The following TSPAN12 variants were observed in gnomAD, a reference collection of about 807,000 sequenced individuals.
TSPAN12 encodes tetraspanin-12.
Under a neutral mutation model 39.2 loss-of-function variants are expected in TSPAN12, and 19 were observed. The observed-to-expected ratio is 0.49, with a 90% CI of 0.34 to 0.71. The LOEUF (loss-of-function observed/expected upper bound fraction) is 0.71. Among genes scored for constraint, TSPAN12 ranks in the 30% least tolerant of loss-of-function variants. The probability of loss-of-function intolerance (pLI) is 0.01; values close to 1 mark genes in which losing one functional copy is unlikely to be tolerated. For synonymous variants in TSPAN12, 119 were observed against 124.8 expected (o/e 0.95, Z 0.31); for missense variants, 314 against 359.9 (o/e 0.87, Z 1.03).
At chr7:120,800,192 G>A (rs1377603309) in intron 7 of TSPAN12, among the ~76,000 whole-genome samples, 2 of 151,994 alleles carry the variant, frequency 1.3e-5, no homozygotes, top group East Asian at 3.9e-4. Flanking sequence ...CTCAGAGTGT[G>A]AATTCATGAA....
intron 4 of TSPAN12, among the ~76,000 whole-genome samples, chr7:120,837,351 G>C (rs1212982978): frequency 6.9e-6 from 1 of 145,690 alleles, no homozygotes; most frequent in African/African-American, 2.6e-5. Context: ...TTGCTCTGTC[G>C]CCCAGGCTGG....
At chr7:120,802,221 G>T (rs1167205851) in intron 7 of TSPAN12, among the ~76,000 whole-genome samples, 1 of 152,194 alleles carries the variant, frequency 6.6e-6, no homozygotes, top group Non-Finnish European at 1.5e-5. Flanking sequence ...TTTAGAGTGT[G>T]GTTACACAGG....
chr7:120,798,257 CT>C (rs1443747139), intron 7 of TSPAN12, among the ~76,000 whole-genome samples: 1 of 152,134 alleles, frequency 6.6e-6, no homozygotes, highest in Non-Finnish European at 1.5e-5. Flanking sequence ...ATCTTCCCCC[CT>C]ACCAAGCCCA....
intron 7 of TSPAN12, among the ~76,000 whole-genome samples, chr7:120,800,744 G>GTTTTTTTTTTTTTTTTTTTTTTTTTTT (rs148802163): frequency 8.4e-6 from 1 of 118,738 alleles, no homozygotes; most frequent in Non-Finnish European, 1.7e-5. Context: ...TTTCCTTATC[G>GTTTTTTTTTTTTTTTTTTTTTTTTTTT]TTTTTTTTTG....
At chr7:120,795,844 G>A (rs1292724396) in intron 7 of TSPAN12, among the ~76,000 whole-genome samples, 1 of 152,100 alleles carries the variant, frequency 6.6e-6, no homozygotes, top group Non-Finnish European at 1.5e-5. Context: ...AAAGCAGCAA[G>A]CAATAAAATT....
At chr7:120,793,641 C>G (rs1793576235) in intron 7 of TSPAN12, among the ~76,000 whole-genome samples, 2 of 152,292 alleles carry the variant, frequency 1.3e-5, no homozygotes, top group South Asian at 4.1e-4. Flanking sequence ...TCAAGAGTAT[C>G]TCCAAAAGAG....
chr7:120,803,774 A>C (rs1793818326), intron 7 of TSPAN12, among the ~76,000 whole-genome samples: 1 of 152,214 alleles, frequency 6.6e-6, no homozygotes, highest in Non-Finnish European at 1.5e-5. Context: ...CATGCACAAT[A>C]GTATGGCTTG....
Position 120,805,815 on chromosome 7 carries a change from C to A in TSPAN12, c.612+734G>T, listed in dbSNP as rs142426628. 3.4e-3 allele frequency among the ~76,000 whole-genome samples: 524 copies of A among 152,132 alleles called. 5 individuals carry two copies. Among genetic ancestry groups the A allele is most frequent in the African/African-American group, 0.012 (495 of 41,508 alleles). Reference sequence around the variant, plus strand: ...TTTTAATTAATTTTAATTCAAATGGCCACACGTAGCTATTTGGCTGCTGTA... The same window carrying A: ...TTTTAATTAATTTTAATTCAAATGGACACACGTAGCTATTTGGCTGCTGTA... On this transcript the variant is annotated intron_variant, in intron 7 of 7. Transcript: ENST00000222747.
intron 5 of TSPAN12, among the ~76,000 whole-genome samples, chr7:120,814,604 G>A (rs550397815): frequency 6.6e-6 from 1 of 152,290 alleles, no homozygotes; most frequent in Admixed American, 6.5e-5. Flanking sequence ...ATCACTAGCA[G>A]TAAATGCACT....
intron 4 of TSPAN12, among the ~76,000 whole-genome samples, chr7:120,838,332 G>A (rs1391154708): frequency 2.0e-5 from 3 of 152,196 alleles, no homozygotes; most frequent in Non-Finnish European, 4.4e-5. Flanking sequence ...ACTCGCTTAT[G>A]TTCTCTAAAC....
intron 7 of TSPAN12, among the ~76,000 whole-genome samples, chr7:120,795,194 A>G (rs1256583981): frequency 2.0e-5 from 3 of 152,238 alleles, no homozygotes; most frequent in African/African-American, 7.2e-5. Flanking sequence ...CTCAAAATAA[A>G]ACACTGAATT....
At chr7:120,802,470 CA>C (rs1368568147) in intron 7 of TSPAN12, among the ~76,000 whole-genome samples, 2 of 152,140 alleles carry the variant, frequency 1.3e-5, no homozygotes, top group Non-Finnish European at 2.9e-5. Context: ...TCAGAGTCTT[CA>C]AAGTGCTTAC....
At chr7:120,831,207 T>C (rs1246079159) in intron 4 of TSPAN12, among the ~76,000 whole-genome samples, 1 of 151,974 alleles carries the variant, frequency 6.6e-6, no homozygotes, top group African/African-American at 2.4e-5. Flanking sequence ...TAAATATAAA[T>C]TAGTACAGCC....
intron 4 of TSPAN12, among the ~76,000 whole-genome samples, chr7:120,830,739 T>C (rs1794374909): frequency 6.6e-6 from 1 of 152,026 alleles, no homozygotes; most frequent in South Asian, 2.1e-4. Flanking sequence ...ATCTGAGCAA[T>C]GATTTTTTAA....
rs141589155 is a variant in TSPAN12, at chr7:120,805,947, G to A, written c.612+602C>T. Among the ~76,000 whole-genome samples the A allele has an allele frequency of 3.9e-5, 6 of 152,148 alleles. No individual in the cohort carries two copies. The East Asian group carries it at 1.2e-3, about 29-fold the overall frequency. Reference sequence around the variant, plus strand: ...TGAATAGGAAAACTTCTGCTAAAATGGAGTAATTGATTATTCTGATCAATT... The same window carrying A: ...TGAATAGGAAAACTTCTGCTAAAATAGAGTAATTGATTATTCTGATCAATT... On this transcript the variant is annotated intron_variant, in intron 7 of 7. Coordinates refer to ENST00000222747, the MANE Select transcript of TSPAN12 (RefSeq NM_012338.4).
intron 2 of TSPAN12, among the ~76,000 whole-genome samples, chr7:120,846,996 G>A (rs1338869223): frequency 6.6e-6 from 1 of 152,132 alleles, no homozygotes; most frequent in African/African-American, 2.4e-5. Context: ...TTGGCACATG[G>A]TGAGAAGGAA....
Sources: allele counts gnomAD v4.1 joint callset (sites outside exome capture counted in the v4.1 genomes callset), GRCh38; gene constraint gnomAD v4.1.1; transcripts MANE v1.5; gene names NCBI Gene and HGNC (gene_info 2026-07-23, HGNC 2026-07-21).